Variants in AOX1 observed in about 807,000 individuals in gnomAD.
AOX1 encodes the protein aldehyde oxidase 1, also known as aldehyde oxidase.
In AOX1, 153 loss-of-function variants were observed where a neutral mutation model predicts 169.5. The ratio of observed to expected loss-of-function variants is 0.90; its 90% CI spans 0.79 to 1.03. AOX1 has a LOEUF of 1.03. Ranked by LOEUF, AOX1 falls within the 50% of genes least tolerant of loss-of-function variation. The pLI, the probability that AOX1 is intolerant of heterozygous loss-of-function variation, is 0.00. For missense variants in AOX1, 1,656 were observed against 1,663.9 expected (o/e 1.00, Z 0.08); for synonymous variants, 562 against 581.9 (o/e 0.97, Z 0.49).
At chr2:200,611,721 T>TC (rs1176031432) in intron 13 of AOX1, among the ~76,000 whole-genome samples, 1 of 151,792 alleles carries the variant, frequency 6.6e-6, no homozygotes, top group Non-Finnish European at 1.5e-5. Context: ...TTTTTTTTTT[T>TC]TGAGATCGAG....
chr2:200,624,554 C>T (rs1167535128), intron 19 of AOX1, among the ~76,000 whole-genome samples: 1 of 152,042 alleles, frequency 6.6e-6, no homozygotes, highest in African/African-American at 2.4e-5. Context: ...GACTTTTTAC[C>T]CACCTTCACC....
Position 200,616,059 on chromosome 2 carries a change from A to T in AOX1, c.1700A>T (p.Tyr567Phe). 1 of 1,608,720 alleles carries T rather than the reference A, an allele frequency of 6.2e-7. No individual in the cohort carries two copies. ...HSKHHCSTLK[Y>F]QNIGPKQHPE... ...AAACATCACTGCAGTACATTAAAGTACCAGGTGAGCGGTATTTCTTGTTTT... is the reference window on the plus strand; with the variant it reads ...AAACATCACTGCAGTACATTAAAGTTCCAGGTGAGCGGTATTTCTTGTTTT... Residue 567 changes from tyrosine to phenylalanine, a missense_variant, in exon 16 of 35, where the codon TAC (tyrosine) becomes TTC (phenylalanine). Transcript: ENST00000374700.
chr2:200,668,113 T>A (rs113661102), intron 32 of AOX1, among the ~76,000 whole-genome samples: 3,284 of 151,274 alleles, frequency 0.022, 62 homozygotes, highest in Non-Finnish European at 0.031. Flanking sequence ...TATTATTATT[T>A]TTTTTTTTTG....
In AOX1 at chr2:200,613,869, G is replaced by T; in HGVS notation, c.1514G>T (p.Gly505Val). ...RLILNEVSLL[G>V]SAPGGKVEFK... ...ATTCTGAATGAAGTCTCCCTTTTGG[G>T]CTCGGCGCCAGGTGGGAAAGTGGAG... Residue 505 changes from glycine to valine, a missense_variant, in exon 15 of 35, where the codon GGC becomes GTC. By Grantham distance (109) the Gly-to-Val change is moderately radical. Transcript: ENST00000374700. The T allele has an allele frequency of 6.2e-7, 1 of 1,612,700 alleles. No homozygotes were observed. The highest frequency in any genetic ancestry group is 8.5e-7 in the Non-Finnish European group (1 of 1,179,966).
At chr2:200,646,215 T>G (rs149017221) in intron 25 of AOX1, among the ~76,000 whole-genome samples, 2 of 152,312 alleles carry the variant, frequency 1.3e-5, no homozygotes, top group African/African-American at 4.8e-5. Context: ...AACTTTCCTC[T>G]TAGCACCGCG....
exon 5 of AOX1, chr2:200,677,009 G>C (rs2036109534): frequency 2.2e-6 from 1 of 450,990 alleles, no homozygotes; most frequent in South Asian, 1.6e-5. Context: ...GTTTGTATGT[G>C]AATGGAAGAA....
chr2:200,672,604 C>T (rs1433197980), downstream of AOX1, among the ~76,000 whole-genome samples: 1 of 152,172 alleles, frequency 6.6e-6, no homozygotes, highest in African/African-American at 2.4e-5. Context: ...AGACAGAGAT[C>T]CCTGTCCTTG....
chr2:200,616,111 G>T, intron 16 of AOX1, 48 bp downstream of exon 16: 1 of 1,350,494 alleles, frequency 7.4e-7, no homozygotes, highest in South Asian at 1.2e-5. Flanking sequence ...GGGCTATAGT[G>T]ATTTGACCTG....
At chr2:200,595,129 A>C in intron 2 of AOX1, 143 bp from the exon 3 acceptor site, 1 of 460,074 alleles carries the variant, frequency 2.2e-6, no homozygotes, top group East Asian at 3.5e-5. Context: ...AATAGTAATT[A>C]AGACATAAAC....
At chr2:200,600,840 G>A (rs2034399323) in intron 5 of AOX1, among the ~76,000 whole-genome samples, 1 of 152,080 alleles carries the variant, frequency 6.6e-6, no homozygotes, top group South Asian at 2.1e-4. Context: ...GAATTTGTGG[G>A]TAATGAAGAT....
At chr2:200,621,346 C>A in intron 18 of AOX1, 100 bp downstream of exon 18, 2 of 1,148,912 alleles carry the variant, frequency 1.7e-6, no homozygotes, top group Non-Finnish European at 2.4e-6. Flanking sequence ...CCATGAAAGA[C>A]TCCAGTATTC....
intron 20 of AOX1, among the ~76,000 whole-genome samples, chr2:200,632,297 A>G (rs2035142863): frequency 6.8e-6 from 1 of 146,612 alleles, no homozygotes; most frequent in Admixed American, 6.9e-5. Context: ...TAGTTTACAC[A>G]CATACATATA....
chr2:200,627,219 A>T (rs532306240), intron 19 of AOX1, 134 bp from the exon 20 acceptor site: 2 of 646,098 alleles, frequency 3.1e-6, no homozygotes, highest in Non-Finnish European at 2.8e-6. Context: ...CACCAGGGTC[A>T]TGGTGAAAGT....
intron 19 of AOX1, among the ~76,000 whole-genome samples, chr2:200,625,000 G>C (rs147362350): frequency 5.9e-5 from 9 of 152,316 alleles, no homozygotes; most frequent in African/African-American, 1.9e-4. Flanking sequence ...GGAGAACTGG[G>C]TGTTGGGGGT....
intron 20 of AOX1, among the ~76,000 whole-genome samples, chr2:200,631,028 A>G (rs566572270): frequency 6.6e-6 from 1 of 152,278 alleles, no homozygotes; most frequent in African/African-American, 2.4e-5. Flanking sequence ...AAGAAAGAAG[A>G]TAGGTGTTCC....
At position 200,620,729 on chromosome 2, in the gene AOX1, G is replaced by C. The variant is rs751152293; in HGVS notation, c.1784G>C (p.Gly595Ala). ...MHLSGVKHAT[G>A]EAIYCDDMPL... Reference sequence around the variant, plus strand: ...CTGTCTGGTGTGAAGCATGCCACGGGGGAGGCCATCTACTGTGATGACATG... The same window carrying C: ...CTGTCTGGTGTGAAGCATGCCACGGCGGAGGCCATCTACTGTGATGACATG... Residue 595 changes from glycine to alanine, a missense_variant, in exon 17 of 35, where the codon GGG becomes GCG. Transcript: ENST00000374700. The C allele has an allele frequency of 3.1e-6, 5 of 1,605,990 alleles. No individual in the cohort carries two copies. The highest frequency in any genetic ancestry group is 1.3e-5 in the African/African-American group (1 of 74,526).
intron 19 of AOX1, 90 bp downstream of exon 19, chr2:200,624,073 G>A: frequency 6.5e-7 from 1 of 1,530,574 alleles, no homozygotes; most frequent in East Asian, 2.3e-5. Flanking sequence ...GGAAAATGTG[G>A]CTCAAAGTGG....
intron 25 of AOX1, among the ~76,000 whole-genome samples, chr2:200,650,663 A>G (rs982612310): frequency 4.6e-5 from 7 of 152,242 alleles, no homozygotes; most frequent in Middle Eastern, 3.2e-3. Flanking sequence ...CCCAAATGCA[A>G]CTAGAATTAA....
chr2:200,609,802 A>G (rs1309953798), intron 12 of AOX1, among the ~76,000 whole-genome samples: 1 of 152,206 alleles, frequency 6.6e-6, no homozygotes, highest in Non-Finnish European at 1.5e-5. Flanking sequence ...TTGAGCTCAC[A>G]CTTAATTTAT....
Sources: allele counts gnomAD v4.1 joint callset (sites outside exome capture counted in the v4.1 genomes callset), GRCh38; gene constraint gnomAD v4.1.1; transcripts MANE v1.5; gene names NCBI Gene and HGNC (gene_info 2026-07-23, HGNC 2026-07-21).